Variants in TSPAN4 observed in about 807,000 individuals in gnomAD.
TSPAN4 encodes tetraspanin-4.
Under a neutral mutation model 31.5 loss-of-function variants are expected in TSPAN4, and 38 were observed. The observed-to-expected ratio is 1.21, with a 90% CI of 0.93 to 1.58. The LOEUF is 1.58. TSPAN4 is among the 40% of genes most tolerant of loss of function. TSPAN4 has a pLI of 0.00. For missense variants in TSPAN4, 330 were observed against 317.3 expected, an observed-to-expected ratio of 1.04 and a Z score of -0.30; for synonymous variants, 186 against 144.6, an observed-to-expected ratio of 1.29 and a Z score of -2.06.
intron 3 of TSPAN4, among the ~76,000 whole-genome samples, chr11:858,866 G>A (rs1848228110): frequency 1.5e-5 from 1 of 65,960 alleles, no homozygotes; most frequent in Non-Finnish European, 2.8e-5. Flanking sequence ...ATGCACCCCC[G>A]GCTCCCATGC....
chr11:854,071 G>T (rs1207261841), intron 3 of TSPAN4, among the ~76,000 whole-genome samples: 1 of 152,256 alleles, frequency 6.6e-6, no homozygotes, highest in African/African-American at 2.4e-5. Context: ...TCCCCTAATG[G>T]AAGTGGAGGT....
intron 3 of TSPAN4, chr11:858,578 G>A: frequency 6.7e-6 from 1 of 150,072 alleles, no homozygotes; most frequent in Non-Finnish European, 1.4e-5. Flanking sequence ...TGCACTCCCG[G>A]CTCACACGCA....
intron 3 of TSPAN4, chr11:862,192 C>T (rs375489256): frequency 2.4e-4 from 58 of 245,478 alleles, no homozygotes; most frequent in African/African-American, 5.4e-4. Flanking sequence ...GACGGTGAAG[C>T]GGGGTTAGGG....
intron 3 of TSPAN4, among the ~76,000 whole-genome samples, chr11:854,670 A>G (rs1847950857): frequency 6.6e-6 from 1 of 152,168 alleles, no homozygotes; most frequent in Non-Finnish European, 1.5e-5. Flanking sequence ...CTGTTGTTCC[A>G]AAGGAAAGTC....
chr11:850,535 T>A (rs1054590115), intron 3 of TSPAN4, among the ~76,000 whole-genome samples, 168 bp downstream of exon 3: 1 of 152,188 alleles, frequency 6.6e-6, no homozygotes, highest in African/African-American at 2.4e-5. Flanking sequence ...GAGCCTGGAC[T>A]GGGCGGGTGG....
At chr11:856,593 A>C (rs1179485272) in intron 3 of TSPAN4, among the ~76,000 whole-genome samples, 2 of 152,186 alleles carry the variant, frequency 1.3e-5, no homozygotes, top group Non-Finnish European at 2.9e-5. Context: ...CTTTCAGCCT[A>C]TTCCTATTTG....
Position 865,827 on chromosome 11 carries a change from T to C in TSPAN4, c.564+2T>C. 1 of 1,611,968 alleles carries C rather than the reference T, an allele frequency of 6.2e-7. No homozygotes were observed. The highest frequency in any genetic ancestry group is 8.5e-7 in the Non-Finnish European group (1 of 1,179,484). Reference sequence around the variant, plus strand: ...GCCCCCGGCACCTGGTGGAAGGCGGTGAGTGAGACCCCCACCCTGGGGGCT... The same window carrying C: ...GCCCCCGGCACCTGGTGGAAGGCGGCGAGTGAGACCCCCACCCTGGGGGCT... On this transcript the variant is annotated splice_donor_variant, in intron 7 of 8. Transcript: ENST00000397397. LOFTEE classifies it high-confidence loss of function.
intron 4 of TSPAN4, chr11:863,058 C>T (rs1848562565): frequency 4.1e-6 from 1 of 245,136 alleles, no homozygotes; most frequent in Non-Finnish European, 7.8e-6. Context: ...CACACGCATG[C>T]GCAGCCTTTC....
chr11:863,093 A>T (rs1021145073), intron 4 of TSPAN4: 1 of 184,434 alleles, frequency 5.4e-6, no homozygotes, highest in African/African-American at 2.3e-5. Flanking sequence ...TCCGTGACTC[A>T]TTCCTGACCA....
chr11:861,508 C>G (rs989518073), intron 3 of TSPAN4, among the ~76,000 whole-genome samples: 1 of 152,074 alleles, frequency 6.6e-6, no homozygotes, highest in South Asian at 2.1e-4. Context: ...GTTGGGAGAT[C>G]AAGACCATCC....
Position 848,958 on chromosome 11 carries a change from G to A in TSPAN4, c.-17-1330G>A. 1.5e-6 allele frequency: 1 copy of A among 688,910 alleles called. No homozygotes were observed. Among genetic ancestry groups the A allele is most frequent in the Non-Finnish European group, 2.7e-6 (1 of 371,142 alleles). 42.7% of individuals were successfully genotyped at this position (688,910 alleles called of 1,614,324 possible). A position where few individuals can be genotyped will look rare whatever the true frequency, so the allele number is the denominator to read the frequency against. ...GGTATGTCTGTACCTGTCAAGGGGT[G>A]GGGTGGGGTCTTTTACAGGCTGACT... On this transcript the variant is annotated intron_variant, in intron 2 of 8. Coordinates refer to ENST00000397397, the MANE Select transcript of TSPAN4 (RefSeq NM_003271.5). This position sits in a 1 kb window ranked among gnomAD's most constrained non-coding sequence, Gnocchi z 5.7.
chr11:860,016 G>T (rs1221726046), intron 3 of TSPAN4, among the ~76,000 whole-genome samples: 1 of 152,212 alleles, frequency 6.6e-6, no homozygotes, highest in Non-Finnish European at 1.5e-5. Flanking sequence ...GCTGGGGAGG[G>T]GCTCTGGGCG....
intron 3 of TSPAN4, among the ~76,000 whole-genome samples, chr11:854,253 C>T (rs1039606949): frequency 1.3e-5 from 2 of 152,210 alleles, no homozygotes; most frequent in Non-Finnish European, 2.9e-5. Context: ...TCTCTTCACC[C>T]GCAGCACCAG....
In TSPAN4 at chr11:865,788, G is replaced by A; in HGVS notation, c.527G>A (p.Ser176Asn). 6.2e-7 allele frequency: 1 copy of A among 1,612,664 alleles called. No individual in the cohort carries two copies. The highest frequency in any genetic ancestry group is 8.5e-7 in the Non-Finnish European group (1 of 1,179,726). Reference sequence around the variant, plus strand: ...TCCTGCTGCTTGGAGTTCAGTGAGAGCTGTGGGCTGCACGCCCCCGGCACC... The same window carrying A: ...TCCTGCTGCTTGGAGTTCAGTGAGAACTGTGGGCTGCACGCCCCCGGCACC... ...PDSCCLEFSESCGLHAPGTWW... is the reference protein window; with the variant it reads ...PDSCCLEFSENCGLHAPGTWW... The change falls in exon 7 of 9, where the codon AGC (serine) becomes AAC (asparagine). Residue 176 changes from serine (S) to asparagine (N), a missense_variant. By Grantham distance (46) the Ser-to-Asn change is conservative. Transcript: ENST00000397397.
intron 8 of TSPAN4, 80 bp downstream of exon 8, chr11:866,081 C>A: frequency 6.7e-7 from 1 of 1,498,192 alleles, no homozygotes; most frequent in Non-Finnish European, 9.1e-7. Flanking sequence ...TAGCAAAGAC[C>A]TTGCCCCCAG....
chr11:862,658 A>G lies in TSPAN4; in HGVS notation c.172A>G (p.Ile58Val), dbSNP rs1489288850. The change falls in exon 4 of 9, where the codon ATC becomes GTC. Residue 58 changes from isoleucine (I) to valine (V), a missense_variant. By Grantham distance (29) the Ile-to-Val change is conservative. Transcript: ENST00000397397. Reference sequence around the variant, plus strand: ...GTCCCTGTCGGCTGCCAACTTGCTCATCATCACCGGCGCCTTTGTCATGGC... The same window carrying G: ...GTCCCTGTCGGCTGCCAACTTGCTCGTCATCACCGGCGCCTTTGTCATGGC... ...FPSLSAANLL[I>V]ITGAFVMAIG... 6.2e-7 allele frequency: 1 copy of G among 1,613,252 alleles called. No individual in the cohort carries two copies. Among genetic ancestry groups the G allele is most frequent in the African/African-American group, 1.3e-5 (1 of 75,030 alleles).
At chr11:866,478 C>T in intron 8 of TSPAN4, 84 bp from the exon 9 acceptor site, 3 of 1,325,004 alleles carry the variant, frequency 2.3e-6, no homozygotes, top group South Asian at 2.8e-5. Flanking sequence ...AGGGCCAGGG[C>T]ACCTGCTGAG....
In TSPAN4 at chr11:864,517, G is replaced by T. The variant is rs1265742371; in HGVS notation, c.330+6G>T. 1.2e-6 allele frequency: 2 copies of T among 1,611,600 alleles called. No homozygotes were observed. Among genetic ancestry groups the T allele is most frequent in the African/African-American group, 1.3e-5 (1 of 75,042 alleles). ...TCTTCGCCTACACGGACAAGGTACG[G>T]CTGCCTTGGCCGCAGGCCCAACTGC... On this transcript the variant is annotated splice_donor_region_variant and intron_variant, in intron 5 of 8. Transcript: ENST00000397397.
chr11:851,523 G>C (rs1447366285), intron 3 of TSPAN4, among the ~76,000 whole-genome samples: 2 of 152,184 alleles, frequency 1.3e-5, no homozygotes, highest in Non-Finnish European at 2.9e-5. Context: ...GAGGCAGGGG[G>C]GTCCCTGGGA....
Sources: gnomAD v4.1 joint callset for allele counts (sites outside exome capture counted in the v4.1 genomes callset) on GRCh38, gnomAD v4.1.1 for gene constraint, Gnocchi (gnomAD v3.1) non-coding constraint, MANE v1.5 for transcripts, NCBI Gene and HGNC (gene_info 2026-07-23, HGNC 2026-07-21) for gene names.